MSANTD2: variants seen among roughly 807,000 people sequenced by gnomAD.
MSANTD2 encodes the protein Myb/SANT DNA binding domain containing 2, also known as myb/SANT-like DNA-binding domain-containing protein 2.
Under a neutral mutation model 52.6 loss-of-function variants are expected in MSANTD2, and 19 were observed. The ratio of observed to expected loss-of-function variants is 0.36; its 90% CI spans 0.25 to 0.53. MSANTD2 has a LOEUF of 0.53. Ranked by LOEUF, MSANTD2 falls within the 20% of genes least tolerant of loss-of-function variation. The probability of loss-of-function intolerance (pLI) is 0.91; values close to 1 mark genes in which losing one functional copy is unlikely to be tolerated. For synonymous variants in MSANTD2, 291 were observed against 289.7 expected (o/e 1.00, Z -0.04); for missense variants, 558 against 716.3 (o/e 0.78, Z 2.52).
intron 1 of MSANTD2, 122 bp downstream of exon 1, chr11:124,799,749 G>A (rs1945625313): frequency 7.7e-6 from 5 of 649,876 alleles, no homozygotes; most frequent in South Asian, 2.0e-5. Flanking sequence ...CGGAGGAGAT[G>A]CGAATCGCCC....
In MSANTD2 at chr11:124,767,622, A is replaced by G. The variant is rs1299153277; in HGVS notation, c.1234T>C (p.Leu412=). The G allele has an allele frequency of 6.2e-7, 1 of 1,614,276 alleles. No homozygotes were observed. Among genetic ancestry groups the G allele is most frequent in the Non-Finnish European group, 8.5e-7 (1 of 1,180,054 alleles). ...PTGGNVVQYL[L]PGGIPKSPGL... Reference sequence around the variant, plus strand: ...GGGCTTTTAGGAATACCCCCAGGCAATAAATATTGAACAACATTCCCACCA... The same window carrying G: ...GGGCTTTTAGGAATACCCCCAGGCAGTAAATATTGAACAACATTCCCACCA... The change falls in exon 4 of 4, where the codon TTG becomes CTG. Residue 412 remains leucine, a synonymous_variant. Transcript: ENST00000374979. This position sits in a 1 kb window ranked among gnomAD's most constrained non-coding sequence, Gnocchi z 6.5.
chr11:124,772,111 C>T (rs1480715727), intron 3 of MSANTD2, among the ~76,000 whole-genome samples: 1 of 152,170 alleles, frequency 6.6e-6, no homozygotes, highest in Non-Finnish European at 1.5e-5. Context: ...TTGTATGGAC[C>T]AGGGAGGACT....
intron 1 of MSANTD2, chr11:124,791,140 G>C: frequency 1.3e-6 from 1 of 758,928 alleles, no homozygotes; most frequent in Non-Finnish European, 2.3e-6. Flanking sequence ...ACAGTGAAAG[G>C]GGGCTAGGGA....
Position 124,786,976 on chromosome 11 carries a change from G to A in MSANTD2, c.511-12002C>T, listed in dbSNP as rs534180988. Among the ~76,000 whole-genome samples, 21 of 152,304 alleles carry A rather than the reference G, an allele frequency of 1.4e-4. No individual in the cohort carries two copies. In the South Asian group the frequency reaches 3.7e-3, roughly 27 times the overall value. ...CTTGGTGTCACCACCTGCAAGCTTT[G>A]TGACAAATTAATCTATCTGTGCCTT... On this transcript the variant is annotated intron_variant, in intron 1 of 3. Coordinates refer to ENST00000374979, the MANE Select transcript of MSANTD2 (RefSeq NM_001308027.2).
At chr11:124,771,822 TCTC>T (rs907805638) in intron 3 of MSANTD2, among the ~76,000 whole-genome samples, 2 of 152,184 alleles carry the variant, frequency 1.3e-5, no homozygotes, top group African/African-American at 4.8e-5. Flanking sequence ...TTTTGCCTCT[TCTC>T]TACCATCTCT....
intron 3 of MSANTD2, among the ~76,000 whole-genome samples, chr11:124,769,500 C>A (rs1232452065): frequency 6.6e-6 from 1 of 152,162 alleles, no homozygotes; most frequent in African/African-American, 2.4e-5. Flanking sequence ...TAGGTCGATG[C>A]TTTAAAGGAA....
Position 124,779,918 on chromosome 11 carries a change from T to C in MSANTD2, c.511-4944A>G, listed in dbSNP as rs914983627. Among the ~76,000 whole-genome samples the C allele has an allele frequency of 7.9e-5, 12 of 152,182 alleles. No homozygotes were observed. Among genetic ancestry groups the C allele is most frequent in the Non-Finnish European group, 1.8e-4 (12 of 68,018 alleles). On this transcript the variant is annotated intron_variant, in intron 1 of 3. Transcript: ENST00000374979. The surrounding 1 kb of genome is among the most constrained non-coding windows in gnomAD (Gnocchi z 4.6). ...CCAGTGACTAATTTTCTTATAAAAT[T>C]GTTAAAAATGATACCTCAGACTAAA...
At chr11:124,776,691 G>T (rs1944758275) in intron 1 of MSANTD2, among the ~76,000 whole-genome samples, 1 of 152,172 alleles carries the variant, frequency 6.6e-6, no homozygotes, top group Non-Finnish European at 1.5e-5. Context: ...AAATCTAGAT[G>T]GGTAAAAGGA....
rs554705109 is a variant in MSANTD2 at position 124,800,298 on chromosome 11, G to A, written c.83C>T (p.Pro28Leu). 6.4e-7 allele frequency: 1 copy of A among 1,567,826 alleles called. No homozygotes were observed. Among genetic ancestry groups the A allele is most frequent in the South Asian group, 1.2e-5 (1 of 86,588 alleles). Residue 28 changes from proline (P) to leucine (L), a missense_variant, in exon 1 of 4, where the codon CCT (proline) becomes CTT (leucine). This residue lies in a region of MSANTD2 where 150 missense variants were observed against 142.7 expected (regional missense o/e 1.05). Coordinates refer to ENST00000374979, the MANE Select transcript of MSANTD2 (RefSeq NM_001308027.2). The surrounding 1 kb of genome is among the most constrained non-coding windows in gnomAD (Gnocchi z 4.3). Reference protein sequence around the residue: ...PKMEVLSPASPGGLSDGNPSL... With the variant: ...PKMEVLSPASLGGLSDGNPSL... ...TGGATTTCCGTCGCTCAGGCCACCA[G>A]GAGAAGCCGGGGAAAGCACCTCCAT...
At chr11:124,788,294 T>C (rs573765978) in intron 1 of MSANTD2, among the ~76,000 whole-genome samples, 52 of 152,150 alleles carry the variant, frequency 3.4e-4, no homozygotes, top group African/African-American at 1.2e-3. Context: ...ATAAGAAATA[T>C]GAATAACCCA....
rs1160891898 is a variant in MSANTD2 at position 124,800,350 on chromosome 11, C to T, written c.31G>A (p.Ala11Thr). MAAPCGSELP[A>T]NSPLKIPKME... ...TTCGGAATTTTTAGCGGCGAGTTGG[C>T]GGGCAGCTCCGAGCCACAGGGCGCA... The change falls in exon 1 of 4, where the codon GCC becomes ACC. Residue 11 changes from alanine (A) to threonine (T), a missense_variant. This residue lies in a region of MSANTD2 where 150 missense variants were observed against 142.7 expected (regional missense o/e 1.05). Coordinates refer to ENST00000374979, the MANE Select transcript of MSANTD2 (RefSeq NM_001308027.2). The surrounding 1 kb of genome is among the most constrained non-coding windows in gnomAD (Gnocchi z 4.3). The T allele has an allele frequency of 6.5e-7, 1 of 1,545,226 alleles. No individual in the cohort carries two copies. Among genetic ancestry groups the T allele is most frequent in the Admixed American group, 1.9e-5 (1 of 52,058 alleles).
chr11:124,781,169 G>A (rs1384401286), intron 1 of MSANTD2, among the ~76,000 whole-genome samples: 3 of 148,904 alleles, frequency 2.0e-5, no homozygotes, highest in East Asian at 3.9e-4. Flanking sequence ...GGCGACATGA[G>A]GGAGTCTCTG....
At chr11:124,795,806 G>C (rs1591479401) in intron 1 of MSANTD2, among the ~76,000 whole-genome samples, 2 of 152,220 alleles carry the variant, frequency 1.3e-5, no homozygotes, top group South Asian at 4.1e-4. Flanking sequence ...TACAGTAAAA[G>C]AGAAAAATCA....
chr11:124,774,597 C>T lies in MSANTD2; in HGVS notation c.766+122G>A. 2.0e-6 allele frequency: 2 copies of T among 1,011,638 alleles called. No individual in the cohort carries two copies. Among genetic ancestry groups the T allele is most frequent in the East Asian group, 2.4e-5 (1 of 41,822 alleles). The allele number at this position is 1,011,638 out of a possible 1,614,324, so 62.7% of individuals were successfully genotyped here. ...TACAAGGCAGAGATGCCCTTTATGC[C>T]TTATGCTGACCACTATAGGGAACAG... On this transcript the variant is annotated intron_variant, in intron 2 of 3. Transcript: ENST00000374979. The surrounding 1 kb of genome is among the most constrained non-coding windows in gnomAD (Gnocchi z 5.1).
chr11:124,790,037 TTTCGTTTGTTTTAACA>T (rs1399386222), intron 1 of MSANTD2: 3 of 152,258 alleles, frequency 2.0e-5, no homozygotes, highest in African/African-American at 7.2e-5. Context: ...TTCTATTTTA[TTTCGTTTGTTTTAACA>T]TTACACAGAT....
intron 1 of MSANTD2, among the ~76,000 whole-genome samples, chr11:124,786,095 C>CTTTTTTTTTTTT (rs200399771): frequency 8.7e-6 from 1 of 114,406 alleles, no homozygotes; most frequent in Admixed American, 9.5e-5. Flanking sequence ...ATCATTTCTT[C>CTTTTTTTTTTTT]TTTTTTTTTT....
intron 1 of MSANTD2, among the ~76,000 whole-genome samples, chr11:124,780,068 T>A (rs1386055231): frequency 6.6e-6 from 1 of 152,172 alleles, no homozygotes; most frequent in Non-Finnish European, 1.5e-5. Flanking sequence ...CCATTTAATA[T>A]CTTTAAGAAA....
chr11:124,772,073 G>A (rs963590685), intron 3 of MSANTD2, among the ~76,000 whole-genome samples: 1 of 152,212 alleles, frequency 6.6e-6, no homozygotes, highest in Non-Finnish European at 1.5e-5. Context: ...TTGCACAAAA[G>A]ATAATGCTAA....
chr11:124,773,932 A>G (rs946854004), intron 2 of MSANTD2, among the ~76,000 whole-genome samples: 6 of 152,216 alleles, frequency 3.9e-5, no homozygotes, highest in Non-Finnish European at 8.8e-5. Flanking sequence ...TGGCTGATTG[A>G]TCAGTACCTC....
Sources: allele counts gnomAD v4.1 joint callset (sites outside exome capture counted in the v4.1 genomes callset), GRCh38; gene constraint gnomAD v4.1.1; regional missense constraint gnomAD v4.1.1; non-coding constraint Gnocchi (gnomAD v3.1); transcripts MANE v1.5; gene names NCBI Gene and HGNC (gene_info 2026-07-23, HGNC 2026-07-21).